The following RYR3 variants were observed in gnomAD, a reference collection of about 807,000 sequenced individuals.
The protein encoded by RYR3 is ryanodine receptor 3.
RYR3 carries 207 observed loss-of-function variants against 584.3 expected under a neutral mutation model. The ratio of observed to expected loss-of-function variants is 0.35; its 90% CI spans 0.32 to 0.40. The LOEUF is 0.40. Ranked by LOEUF, RYR3 falls within the 10% of genes least tolerant of loss-of-function variation. The pLI, the probability that RYR3 is intolerant of heterozygous loss-of-function variation, is 1.00. For synonymous variants in RYR3, 2,416 were observed against 2,248.5 expected, an observed-to-expected ratio of 1.07 and a Z score of -2.11; for missense variants, 5,616 against 6,089.2, an observed-to-expected ratio of 0.92 and a Z score of 2.59.
intron 34 of RYR3, among the ~76,000 whole-genome samples, chr15:33,661,499 A>T (rs1438592443): frequency 1.3e-5 from 2 of 152,146 alleles, no homozygotes; most frequent in African/African-American, 2.4e-5. Flanking sequence ...CCTTTTTGGC[A>T]CCAGGGACTG....
intron 1 of RYR3, among the ~76,000 whole-genome samples, chr15:33,365,898 T>C (rs987421853): frequency 2.0e-5 from 3 of 152,226 alleles, no homozygotes; most frequent in Non-Finnish European, 4.4e-5. Flanking sequence ...TTAAAAAAGT[T>C]ATCTCAGAGT....
chr15:33,401,234 G>A (rs1012324898), intron 1 of RYR3, among the ~76,000 whole-genome samples: 6 of 152,184 alleles, frequency 3.9e-5, no homozygotes. Flanking sequence ...ATCCTTGAAT[G>A]TATCATCTCC....
At chr15:33,843,009 G>A (rs2078471549) in intron 91 of RYR3, among the ~76,000 whole-genome samples, 1 of 152,016 alleles carries the variant, frequency 6.6e-6, no homozygotes, top group Non-Finnish European at 1.5e-5. Flanking sequence ...ACACAGTCAT[G>A]CCATGGCTGT....
intron 2 of RYR3, among the ~76,000 whole-genome samples, chr15:33,477,744 G>A (rs565135977): frequency 1.5e-4 from 22 of 145,750 alleles, no homozygotes; most frequent in Non-Finnish European, 2.7e-4. Context: ...ACGTGGTGGC[G>A]GGCGCCTGTA....
At chr15:33,663,987 C>G (rs552227805) in intron 36 of RYR3, among the ~76,000 whole-genome samples, 1 of 152,258 alleles carries the variant, frequency 6.6e-6, no homozygotes, top group South Asian at 2.1e-4. Context: ...TTAACCCTCT[C>G]CAATGCCTCC....
At chr15:33,483,187 A>C (rs1257147125) in intron 2 of RYR3, among the ~76,000 whole-genome samples, 2 of 151,532 alleles carry the variant, frequency 1.3e-5, no homozygotes, top group Admixed American at 6.6e-5. Context: ...CTCCCCTTCC[A>C]TTATCTCTCT....
intron 12 of RYR3, among the ~76,000 whole-genome samples, chr15:33,568,210 A>T (rs1054601508): frequency 3.3e-5 from 5 of 152,214 alleles, no homozygotes; most frequent in Non-Finnish European, 5.9e-5. Context: ...TGGAGAGCTG[A>T]TGAAAACATT....
At chr15:33,672,080 C>T (rs138830402) in intron 38 of RYR3, among the ~76,000 whole-genome samples, 1 of 152,254 alleles carries the variant, frequency 6.6e-6, no homozygotes, top group African/African-American at 2.4e-5. Context: ...TCCCAAAGTG[C>T]TGGGATTACA....
chr15:33,583,052 C>T (rs2058673762), intron 14 of RYR3, among the ~76,000 whole-genome samples: 1 of 152,138 alleles, frequency 6.6e-6, no homozygotes, highest in Non-Finnish European at 1.5e-5. Flanking sequence ...TCTGCAGTAT[C>T]ATCTGCCAGT....
intron 57 of RYR3, among the ~76,000 whole-genome samples, chr15:33,754,779 G>C (rs2071655395): frequency 6.6e-6 from 1 of 152,132 alleles, no homozygotes; most frequent in South Asian, 2.1e-4. Flanking sequence ...TCTGTTTACA[G>C]CTAGCATGTA....
rs1176216674 is a variant in RYR3 at position 33,696,214 on chromosome 15, C to T, written c.5861-4C>T. ...AGTCCTGCTCCCTCCTGTTGTCCTT[C>T]CAGCAACATTGAAGGAACTCATCTC... On this transcript the variant is annotated splice_polypyrimidine_tract_variant and splice_region_variant and intron_variant, in intron 38 of 103. Transcript: ENST00000634891. The T allele has an allele frequency of 6.2e-7, 1 of 1,611,788 alleles. No homozygotes were observed.
chr15:33,713,583 C>T (rs1596285355), intron 43 of RYR3, among the ~76,000 whole-genome samples: 1 of 152,034 alleles, frequency 6.6e-6, no homozygotes, highest in Non-Finnish European at 1.5e-5. Context: ...AGGCACTGTT[C>T]AAAACACTTT....
rs1387499712 is a variant in RYR3 at position 33,438,363 on chromosome 15, T to C, written c.52-35056T>C. On this transcript the variant is annotated intron_variant, in intron 1 of 103. Transcript: ENST00000634891. ...TAACCACCATTCCACTCATTGCTTC[T>C]ATGAGCTCCTTTTTAAAAAAATTCC... is the stretch of plus-strand genomic sequence containing the variant. Among the ~76,000 whole-genome samples the C allele has an allele frequency of 2.0e-5, 3 of 152,176 alleles. No individual in the cohort carries two copies. The East Asian group carries it at 5.8e-4, about 29-fold the overall frequency.
intron 3 of RYR3, among the ~76,000 whole-genome samples, chr15:33,529,891 A>C (rs1183775642): frequency 6.6e-6 from 1 of 152,156 alleles, no homozygotes; most frequent in South Asian, 2.1e-4. Flanking sequence ...TAAGAAACAG[A>C]CACCAGTGGC....
intron 1 of RYR3, among the ~76,000 whole-genome samples, chr15:33,453,444 G>A (rs2047298315): frequency 6.6e-6 from 1 of 152,094 alleles, no homozygotes; most frequent in Non-Finnish European, 1.5e-5. Context: ...AACAACATTT[G>A]CTTCCATGAT....
intron 69 of RYR3, among the ~76,000 whole-genome samples, chr15:33,805,124 A>G (rs2076115039): frequency 6.6e-6 from 1 of 152,222 alleles, no homozygotes; most frequent in African/African-American, 2.4e-5. Flanking sequence ...TAAGCTGAGC[A>G]AGTGTTTTTT....
intron 2 of RYR3, among the ~76,000 whole-genome samples, chr15:33,475,679 T>C (rs577107798): frequency 1.2e-3 from 183 of 152,326 alleles, no homozygotes; most frequent in African/African-American, 4.2e-3. Context: ...GAATCCTGTC[T>C]CTACCACTTG....
At chr15:33,510,658 T>C (rs1595371819) in intron 3 of RYR3, among the ~76,000 whole-genome samples, 2 of 151,934 alleles carry the variant, frequency 1.3e-5, no homozygotes, top group East Asian at 1.9e-4. Context: ...AGGGGACATA[T>C]CATGTATATT....
chr15:33,508,812 T>G (rs2142845187), intron 3 of RYR3, among the ~76,000 whole-genome samples: 1 of 152,344 alleles, frequency 6.6e-6, no homozygotes, highest in African/African-American at 2.4e-5. Context: ...AGCTTTTGGC[T>G]CCTTTGATTT....
Sources: gnomAD v4.1 joint callset for allele counts (sites outside exome capture counted in the v4.1 genomes callset) on GRCh38, gnomAD v4.1.1 for gene constraint, MANE v1.5 for transcripts, NCBI Gene and HGNC (gene_info 2026-07-23, HGNC 2026-07-21) for gene names.